Variants in GRB7 observed in about 807,000 individuals in gnomAD.
GRB7 encodes growth factor receptor bound protein 7, also known as growth factor receptor-bound protein 7.
GRB7 carries 47 observed loss-of-function variants against 64.1 expected under a neutral mutation model. The ratio of observed to expected loss-of-function variants is 0.73; its 90% CI spans 0.58 to 0.94. The LOEUF (loss-of-function observed/expected upper bound fraction) is 0.94. GRB7 is among the 40% of genes least tolerant of loss of function. The pLI, the probability that GRB7 is intolerant of heterozygous loss-of-function variation, is 0.00. For missense variants in GRB7, 634 were observed against 718.4 expected (o/e 0.88, Z 1.34); for synonymous variants, 277 against 279.9 (o/e 0.99, Z 0.10).
At chr17:39,741,677 TGTG>T (rs1377735142) in intron 1 of GRB7, among the ~76,000 whole-genome samples, 1 of 152,156 alleles carries the variant, frequency 6.6e-6, no homozygotes, top group East Asian at 1.9e-4. Context: ...CCACCAGGCT[TGTG>T]GTGGGTGGAC....
chr17:39,746,271 C>T, intron 14 of GRB7, 69 bp downstream of exon 14: 1 of 1,263,178 alleles, frequency 7.9e-7, no homozygotes. Context: ...TCCTCCTCAC[C>T]AGGCCCCTCC....
Position 39,745,286 on chromosome 17 carries a change from G to T in GRB7, c.1055G>T (p.Arg352Leu), listed in dbSNP as rs145613338. The T allele has an allele frequency of 6.2e-7, 1 of 1,612,432 alleles. No individual in the cohort carries two copies. Residue 352 changes from arginine to leucine, a missense_variant, in exon 10 of 15, where the codon CGC becomes CTC. By Grantham distance (102) the Arg-to-Leu change is moderately radical. Transcript: ENST00000309156. ...LYKNYQQAQSRHLHPSCLGSP... is the reference protein window; with the variant it reads ...LYKNYQQAQSLHLHPSCLGSP... The stretch of plus-strand genomic sequence containing the variant: ...AAGAATTACCAGCAGGCACAGTCTC[G>T]CCATCTGCATCCATCTTGTTTGGGC...
chr17:39,739,635 C>A (rs1441343248), intron 1 of GRB7, among the ~76,000 whole-genome samples: 1 of 152,262 alleles, frequency 6.6e-6, no homozygotes, highest in African/African-American at 2.4e-5. Flanking sequence ...CCGGGCCCCG[C>A]CACCTGCCCT....
chr17:39,742,134 C>T, intron 1 of GRB7, 118 bp from the exon 2 acceptor site: 2 of 722,998 alleles, frequency 2.8e-6, no homozygotes, highest in East Asian at 4.9e-5. Context: ...TTCTGTCCTT[C>T]CCCAAGGGCT....
Position 39,745,272 on chromosome 17 carries a change from G to A in GRB7, c.1041G>A (p.Gln347=), listed in dbSNP as rs976836562. ...GGGTGCAGCTGTACAAGAATTACCA[G>A]CAGGCACAGTCTCGCCATCTGCATC... ...KYGVQLYKNY[Q]QAQSRHLHPS... The change falls in exon 10 of 15, where the codon CAG becomes CAA. Residue 347 remains glutamine (Q), a synonymous_variant. Coordinates refer to ENST00000309156, the MANE Select transcript of GRB7 (RefSeq NM_005310.5). 2.5e-6 allele frequency: 4 copies of A among 1,611,990 alleles called. No individual in the cohort carries two copies. In the Admixed American group the frequency reaches 5.0e-5, roughly 20 times the overall value.
chr17:39,740,132 A>C lies in GRB7; in HGVS notation c.-51+1999A>C, dbSNP rs2059982770. On this transcript the variant is annotated intron_variant, in intron 1 of 14. Coordinates refer to ENST00000309156, the MANE Select transcript of GRB7 (RefSeq NM_005310.5). ...TTTCGAGGCAGGCGTGGCCCCCTGC[A>C]GCCTGGAATGAAGTCACTGGGGCTG... The C allele has an allele frequency of 6.1e-6, 6 of 985,472 alleles. No homozygotes were observed. The South Asian group carries it at 2.3e-4, about 39-fold the overall frequency. The allele number at this position is 985,472 out of a possible 1,614,324, so 61.0% of individuals were successfully genotyped here. A position where few individuals can be genotyped will look rare whatever the true frequency, so the allele number is the denominator to read the frequency against.
intron 4 of GRB7, 59 bp downstream of exon 4, chr17:39,743,113 G>A (rs2060011515): frequency 6.2e-7 from 1 of 1,601,784 alleles, no homozygotes. Flanking sequence ...TCTTGGGCTA[G>A]GCATGTGGCT....
chr17:39,744,802 G>A (rs759935532), intron 8 of GRB7, 84 bp from the exon 9 acceptor site: 19 of 1,378,876 alleles, frequency 1.4e-5, no homozygotes, highest in Non-Finnish European at 2.0e-5. Flanking sequence ...GGAAACTCCT[G>A]GATTCAGCTC....
Position 39,742,547 on chromosome 17 carries a change from C to T in GRB7, c.156-19C>T. On this transcript the variant is annotated intron_variant, in intron 2 of 14. Transcript: ENST00000309156. ...TGCTCCCTTCCCCACACCTCTCTCC[C>T]TTTTTCTTCTTGCCACAGGAAACTT... 6 of 1,613,874 alleles carry T rather than the reference C, an allele frequency of 3.7e-6. No individual in the cohort carries two copies. The highest frequency in any genetic ancestry group is 4.2e-6 in the Non-Finnish European group (5 of 1,179,988).
chr17:39,742,858 T>C (rs2060008522), intron 3 of GRB7, 40 bp from the exon 4 acceptor site: 1 of 1,550,044 alleles, frequency 6.5e-7, no homozygotes. Context: ...TGAATCACCC[T>C]TTGCCTCCCC....
chr17:39,745,132 C>T (rs976953410), intron 9 of GRB7, 111 bp from the exon 10 acceptor site: 13 of 1,138,048 alleles, frequency 1.1e-5, no homozygotes, highest in Admixed American at 1.1e-4. Flanking sequence ...AAGTGCCCAT[C>T]GAAGGCAGAA....
At chr17:39,745,349 G>T (rs906075173) in intron 10 of GRB7, 26 bp downstream of exon 10, 1 of 1,606,426 alleles carries the variant, frequency 6.2e-7, no homozygotes, top group Non-Finnish European at 8.5e-7. Context: ...GGGATGGGAG[G>T]GTGGGTATGC....
chr17:39,745,585 C>A, intron 11 of GRB7, 47 bp downstream of exon 11: 1 of 1,570,426 alleles, frequency 6.4e-7, no homozygotes, highest in South Asian at 1.1e-5. Flanking sequence ...GACCCACTCT[C>A]TGGGTGGGAT....
chr17:39,742,886 C>G lies in GRB7; in HGVS notation c.307-12C>G. 6.4e-7 allele frequency: 1 copy of G among 1,568,290 alleles called. No homozygotes were observed. The highest frequency in any genetic ancestry group is 1.4e-5 in the African/African-American group (1 of 73,830). On this transcript the variant is annotated splice_polypyrimidine_tract_variant and intron_variant, in intron 3 of 14. Coordinates refer to ENST00000309156, the MANE Select transcript of GRB7 (RefSeq NM_005310.5). ...GCCTCCCCTCAAGTCGTGTGCAATT[C>G]CTGGGGCGCAGGTAGTAAAGGTGTA...
chr17:39,739,626 CG>C (rs1468570984), intron 1 of GRB7, among the ~76,000 whole-genome samples: 1 of 152,252 alleles, frequency 6.6e-6, no homozygotes, highest in Non-Finnish European at 1.5e-5. Flanking sequence ...CCCTGAACAC[CG>C]GGCCCCGCCA....
Position 39,746,944 on chromosome 17 carries a change from G to C in GRB7, c.*47G>C. Reference sequence around the variant, plus strand: ...GCCTCAGCCCGCCTTCAGGCTGCCCGCCGCCCCTCCACCCATCCAGTGGAC... The same window carrying C: ...GCCTCAGCCCGCCTTCAGGCTGCCCCCCGCCCCTCCACCCATCCAGTGGAC... On this transcript the variant is annotated 3_prime_UTR_variant, in exon 15 of 15. Transcript: ENST00000309156. 6.4e-7 allele frequency: 1 copy of C among 1,566,090 alleles called. No individual in the cohort carries two copies. The highest frequency in any genetic ancestry group is 1.1e-5 in the South Asian group (1 of 87,754).
At chr17:39,741,533 C>T (rs2059994002) in intron 1 of GRB7, among the ~76,000 whole-genome samples, 1 of 152,222 alleles carries the variant, frequency 6.6e-6, no homozygotes, top group Non-Finnish European at 1.5e-5. Context: ...CTGGGTCTGG[C>T]AACAAAGTGC....
At chr17:39,746,350 C>T in intron 14 of GRB7, 148 bp downstream of exon 14, 1 of 697,866 alleles carries the variant, frequency 1.4e-6, no homozygotes, top group Non-Finnish European at 2.5e-6. Context: ...AGTGCGGTGG[C>T]TCACACCTGT....
intron 14 of GRB7, among the ~76,000 whole-genome samples, chr17:39,746,472 C>T (rs2060047504): frequency 6.6e-6 from 1 of 152,028 alleles, no homozygotes; most frequent in African/African-American, 2.4e-5. Context: ...TAAAAATGAG[C>T]CAGGCATGGT....
Sources: allele counts gnomAD v4.1 joint callset (sites outside exome capture counted in the v4.1 genomes callset), GRCh38; gene constraint gnomAD v4.1.1; transcripts MANE v1.5; gene names NCBI Gene and HGNC (gene_info 2026-07-23, HGNC 2026-07-21).